The following RSRC1 variants were observed in gnomAD, a reference collection of about 807,000 sequenced individuals.
RSRC1 encodes serine/Arginine-related protein 53.
In RSRC1, 39 loss-of-function variants were observed where a neutral mutation model predicts 49.1. The observed-to-expected ratio is 0.79, with a 90% CI of 0.61 to 1.04. RSRC1 has a LOEUF of 1.04. Ranked by LOEUF, RSRC1 falls within the 50% of genes least tolerant of loss-of-function variation. RSRC1 has a pLI of 0.00. For missense variants in RSRC1, 388 were observed against 402.4 expected (o/e 0.96, Z 0.31); for synonymous variants, 143 against 130.8 (o/e 1.09, Z -0.63).
At chr3:158,390,537 T>G (rs1042373347) in intron 6 of RSRC1, among the ~76,000 whole-genome samples, 2 of 152,202 alleles carry the variant, frequency 1.3e-5, no homozygotes, top group African/African-American at 2.4e-5. Flanking sequence ...ATATTCCTTT[T>G]TGTAGTAACT....
At chr3:158,512,094 C>A (rs937203318) in intron 7 of RSRC1, among the ~76,000 whole-genome samples, 9 of 148,120 alleles carry the variant, frequency 6.1e-5, no homozygotes, top group Non-Finnish European at 1.3e-4. Context: ...ATGGTAGTTT[C>A]TTTTGCTGTG....
At chr3:158,138,074 G>C (rs949255035) in intron 3 of RSRC1, among the ~76,000 whole-genome samples, 1 of 152,148 alleles carries the variant, frequency 6.6e-6, no homozygotes, top group Non-Finnish European at 1.5e-5. Context: ...TACAATTAGG[G>C]ACCAGATTTC....
intron 3 of RSRC1, among the ~76,000 whole-genome samples, chr3:158,154,789 C>T (rs554383716): frequency 6.6e-6 from 1 of 152,260 alleles, no homozygotes; most frequent in East Asian, 1.9e-4. Flanking sequence ...TAGAGTCAGT[C>T]TTCTCAAACC....
At chr3:158,362,283 G>A (rs772370457) in intron 6 of RSRC1, among the ~76,000 whole-genome samples, 7 of 152,186 alleles carry the variant, frequency 4.6e-5, no homozygotes, top group East Asian at 1.9e-4. Context: ...CAAGGGTTCC[G>A]TGAGCTGTGA....
chr3:158,276,791 T>TC (rs1725843497), intron 4 of RSRC1, among the ~76,000 whole-genome samples: 1 of 152,220 alleles, frequency 6.6e-6, no homozygotes, highest in East Asian at 1.9e-4. Flanking sequence ...TCTTAACTTA[T>TC]ATCTGTCATT....
At chr3:158,242,739 T>C (rs116058462) in intron 4 of RSRC1, among the ~76,000 whole-genome samples, 2 of 152,018 alleles carry the variant, frequency 1.3e-5, no homozygotes, top group African/African-American at 4.8e-5. Context: ...CCCCTTTTAA[T>C]AAGCTATTCT....
At chr3:158,234,845 G>C (rs910792244) in intron 4 of RSRC1, among the ~76,000 whole-genome samples, 2 of 152,082 alleles carry the variant, frequency 1.3e-5, no homozygotes, top group Non-Finnish European at 2.9e-5. Flanking sequence ...CCATTTAACT[G>C]TAAGTTCCTA....
chr3:158,243,643 C>T (rs1103981), intron 4 of RSRC1, among the ~76,000 whole-genome samples: 144,091 of 152,252 alleles, frequency 0.95, 68,287 homozygotes, highest in East Asian at 1. Context: ...GGCAGTATGG[C>T]CATTTTAACA....
chr3:158,354,177 G>T (rs567500918), intron 5 of RSRC1, among the ~76,000 whole-genome samples: 11 of 151,982 alleles, frequency 7.2e-5, no homozygotes, highest in Middle Eastern at 3.4e-3. Context: ...TTTTAGTAGA[G>T]ATGGGGTTTC....
intron 5 of RSRC1, among the ~76,000 whole-genome samples, chr3:158,341,194 G>A (rs1730216481): frequency 6.6e-6 from 1 of 152,078 alleles, no homozygotes; most frequent in Admixed American, 6.6e-5. Flanking sequence ...AATTCAAGCT[G>A]GCTGCAGAAA....
At chr3:158,354,240 C>A (rs1045686920) in intron 5 of RSRC1, among the ~76,000 whole-genome samples, 2 of 152,098 alleles carry the variant, frequency 1.3e-5, no homozygotes, top group Non-Finnish European at 1.5e-5. Context: ...CCACCCGCCT[C>A]GGCCTCCCAA....
chr3:158,435,876 A>G (rs1017072133), intron 6 of RSRC1, among the ~76,000 whole-genome samples: 33 of 151,806 alleles, frequency 2.2e-4, no homozygotes, highest in Admixed American at 2.1e-3. Flanking sequence ...TATCTTAAAA[A>G]GAGAAGTTTT....
At chr3:158,429,381 A>G (rs1232314609) in intron 6 of RSRC1, among the ~76,000 whole-genome samples, 1 of 146,780 alleles carries the variant, frequency 6.8e-6, no homozygotes, top group African/African-American at 2.6e-5. Context: ...AAATCTATGG[A>G]TATGATTTCA....
At position 158,278,760 on chromosome 3, in the gene RSRC1, C is replaced by T. The variant is rs529363808; in HGVS notation, c.495-19279C>T. 2.8e-4 allele frequency among the ~76,000 whole-genome samples: 42 copies of T among 152,228 alleles called. 1 individual carries two copies. Among genetic ancestry groups the T allele is most frequent in the African/African-American group, 9.1e-4 (38 of 41,552 alleles). Reference sequence around the variant, plus strand: ...TAATTAAGTCATCTTTGGTAAATGGCTTTCATTGATTGGTTGACAAATACA... The same window carrying T: ...TAATTAAGTCATCTTTGGTAAATGGTTTTCATTGATTGGTTGACAAATACA... On this transcript the variant is annotated intron_variant, in intron 4 of 9. Coordinates refer to ENST00000611884, the MANE Select transcript of RSRC1 (RefSeq NM_001271838.2).
At chr3:158,146,243 C>T (rs1457962445) in intron 3 of RSRC1, among the ~76,000 whole-genome samples, 1 of 152,136 alleles carries the variant, frequency 6.6e-6, no homozygotes, top group African/African-American at 2.4e-5. Context: ...CTTGCCCATT[C>T]AGTATGATAT....
At chr3:158,231,137 C>CTTTTTTTTTTT (rs35368661) in intron 4 of RSRC1, among the ~76,000 whole-genome samples, 1 of 67,950 alleles carries the variant, frequency 1.5e-5, no homozygotes, top group African/African-American at 6.1e-5. Context: ...TAGTCGTTAG[C>CTTTTTTTTTTT]TTTTTTTTTT....
intron 7 of RSRC1, among the ~76,000 whole-genome samples, chr3:158,462,557 A>G (rs910576302): frequency 9.9e-5 from 15 of 151,950 alleles, no homozygotes; most frequent in Admixed American, 5.9e-4. Flanking sequence ...GAGAGTAATC[A>G]CAGATATTGA....
chr3:158,303,135 C>T (rs909329059), intron 5 of RSRC1: 5 of 152,110 alleles, frequency 3.3e-5, no homozygotes, highest in Non-Finnish European at 7.4e-5. Flanking sequence ...GAGATAGAAC[C>T]TTGCCATTTG....
intron 1 of RSRC1, among the ~76,000 whole-genome samples, chr3:158,121,320 G>A (rs1218058099): frequency 2.6e-5 from 4 of 151,962 alleles, no homozygotes; most frequent in Non-Finnish European, 4.4e-5. Flanking sequence ...ATGTTTGTGT[G>A]TAATATACAC....
Sources: allele counts gnomAD v4.1 joint callset (sites outside exome capture counted in the v4.1 genomes callset), GRCh38; gene constraint gnomAD v4.1.1; transcripts MANE v1.5; gene names NCBI Gene and HGNC (gene_info 2026-07-23, HGNC 2026-07-21).